GPHN: variants seen among roughly 807,000 people sequenced by gnomAD.
GPHN encodes the protein gephyrin.
A neutral mutation model predicts 95.5 loss-of-function variants in GPHN; 17 were observed. That is an observed-to-expected ratio of 0.18 (90% CI 0.12 to 0.27). The LOEUF (loss-of-function observed/expected upper bound fraction) is 0.27. Ranked by LOEUF, GPHN falls within the 10% of genes least tolerant of loss-of-function variation. GPHN has a pLI of 1.00. For missense variants in GPHN, 660 were observed against 978.1 expected (o/e 0.67, Z 4.34); for synonymous variants, 320 against 322.5 (o/e 0.99, Z 0.08).
intron 2 of GPHN, among the ~76,000 whole-genome samples, chr14:66,731,433 T>G (rs1195319028): frequency 6.6e-6 from 1 of 152,194 alleles, no homozygotes; most frequent in African/African-American, 2.4e-5. Context: ...GCTGAGGTGA[T>G]CTCAGATGGA....
the GPHN span, among the ~76,000 whole-genome samples, chr14:67,600,559 C>A: frequency 0.96 from 145,815 of 152,220 alleles, 70,122 homozygotes; most frequent in East Asian, 1. Context: ...AGATCATGCC[C>A]CTGCTCTCTA....
intron 4 of GPHN, among the ~76,000 whole-genome samples, chr14:66,833,656 G>A (rs2061672101): frequency 1.5e-5 from 2 of 133,330 alleles, no homozygotes; most frequent in Non-Finnish European, 3.0e-5. Context: ...TTGTTTTTAT[G>A]CCCTGGTTAA....
chr14:66,725,097 A>G (rs1021970990), intron 2 of GPHN, among the ~76,000 whole-genome samples: 1 of 152,022 alleles, frequency 6.6e-6, no homozygotes, highest in African/African-American at 2.4e-5. Context: ...AAGAATACAG[A>G]CTCACCTCCT....
At chr14:67,489,486 A>G in the GPHN span, among the ~76,000 whole-genome samples, 1 of 152,004 alleles carries the variant, frequency 6.6e-6, no homozygotes, top group Non-Finnish European at 1.5e-5. Context: ...CGCTGCTGGG[A>G]GCGTGAAGAA....
chr14:67,457,044 G>C, the GPHN span, among the ~76,000 whole-genome samples: 5 of 152,192 alleles, frequency 3.3e-5, no homozygotes, highest in Non-Finnish European at 5.9e-5. Flanking sequence ...AGCAAATACA[G>C]CATCTTCTCG....
At chr14:67,255,256 C>G in the GPHN span, among the ~76,000 whole-genome samples, 1 of 152,128 alleles carries the variant, frequency 6.6e-6, no homozygotes, top group Non-Finnish European at 1.5e-5. Context: ...AGAAAATCTG[C>G]ATGGAGTACA....
At chr14:67,221,648 T>C in the GPHN span, 1 of 1,396,610 alleles carries the variant, frequency 7.2e-7, no homozygotes, top group Non-Finnish European at 9.7e-7. Flanking sequence ...TGGCCTAGGT[T>C]TGCTAAACGT....
At chr14:67,130,302 T>C (rs922316042) in intron 17 of GPHN, among the ~76,000 whole-genome samples, 1 of 152,118 alleles carries the variant, frequency 6.6e-6, no homozygotes, top group African/African-American at 2.4e-5. Flanking sequence ...CCAGTGTCTA[T>C]TGTTGCCATC....
the GPHN span, chr14:67,588,001 G>A: frequency 6.6e-6 from 1 of 152,612 alleles, no homozygotes; most frequent in Admixed American, 6.5e-5. Flanking sequence ...AATGGGAAAG[G>A]TGCTGACAGA....
intron 1 of GPHN, among the ~76,000 whole-genome samples, chr14:66,545,215 C>T (rs1037962833): frequency 6.8e-6 from 1 of 147,874 alleles, no homozygotes; most frequent in Non-Finnish European, 1.5e-5. Context: ...GGGCTGACCC[C>T]CCCACCTCCC....
chr14:66,825,487 G>C (rs574531986), intron 4 of GPHN, among the ~76,000 whole-genome samples: 275 of 152,112 alleles, frequency 1.8e-3, no homozygotes, highest in Non-Finnish European at 3.0e-3. Flanking sequence ...ATCAATCAGA[G>C]GACTTATTAA....
At chr14:67,293,665 G>T in the GPHN span, among the ~76,000 whole-genome samples, 2 of 152,098 alleles carry the variant, frequency 1.3e-5, no homozygotes, top group African/African-American at 4.8e-5. Flanking sequence ...CACACATGTA[G>T]GCAATTCTGG....
chr14:67,694,880 G>A, the GPHN span, among the ~76,000 whole-genome samples: 2 of 152,140 alleles, frequency 1.3e-5, no homozygotes, highest in East Asian at 3.8e-4. Context: ...TCACTGGTCC[G>A]TCACCACTGG....
chr14:66,900,452 CT>C (rs375291001), intron 5 of GPHN, among the ~76,000 whole-genome samples: 1,858 of 146,076 alleles, frequency 0.013, 19 homozygotes, highest in Non-Finnish European at 0.019. Flanking sequence ...AGATTTTTTT[CT>C]TTTTTTTTTA....
At position 66,709,214 on chromosome 14, in the gene GPHN, G is replaced by T. The variant is rs113879508; in HGVS notation, c.143+28029G>T. On this transcript the variant is annotated intron_variant, in intron 2 of 22. Transcript: ENST00000478722. ...GCTTTCAATAACTAAAAGATTAGCA[G>T]CCTTTTCTAAACAACCATTCTTTTA... The T allele has an allele frequency of 3.5e-4, 121 of 341,072 alleles. 2 individuals carry two copies. Among genetic ancestry groups the T allele is most frequent in the African/African-American group, 1.5e-3 (71 of 47,334 alleles). The allele number at this position is 341,072 out of a possible 1,614,324, so 21.1% of individuals were successfully genotyped here.
intron 8 of GPHN, among the ~76,000 whole-genome samples, chr14:66,946,693 G>A (rs980464518): frequency 1.3e-5 from 2 of 152,134 alleles, no homozygotes; most frequent in Non-Finnish European, 2.9e-5. Flanking sequence ...GTGAGCCACT[G>A]TGCCCAGCTG....
intron 6 of GPHN, among the ~76,000 whole-genome samples, chr14:66,919,581 G>A (rs1171944092): frequency 6.6e-6 from 1 of 152,192 alleles, no homozygotes; most frequent in Non-Finnish European, 1.5e-5. Flanking sequence ...GTGTCTAGCA[G>A]TAAACACAGA....
At chr14:67,292,431 C>G in the GPHN span, 1 of 965,960 alleles carries the variant, frequency 1.0e-6, no homozygotes, top group Non-Finnish European at 1.6e-6. Context: ...GTTACTGGTT[C>G]AAAGAAATGT....
At chr14:67,529,462 T>A in the GPHN span, among the ~76,000 whole-genome samples, 2 of 152,190 alleles carry the variant, frequency 1.3e-5, no homozygotes, top group Non-Finnish European at 2.9e-5. Flanking sequence ...AGATATTTGT[T>A]AGTGAGTAAC....
Sources: allele counts gnomAD v4.1 joint callset (sites outside exome capture counted in the v4.1 genomes callset), GRCh38; gene constraint gnomAD v4.1.1; transcripts MANE v1.5; gene names NCBI Gene and HGNC (gene_info 2026-07-23, HGNC 2026-07-21).